Variants in EP300 observed in about 807,000 individuals in gnomAD.
EP300 encodes the protein EP300 lysine acetyltransferase.
In EP300, 31 loss-of-function variants were observed where a neutral mutation model predicts 264.0. That is an observed-to-expected ratio of 0.12 (90% CI 0.09 to 0.16). EP300 has a LOEUF of 0.16. EP300 is among the 10% of genes least tolerant of loss of function. The pLI is 1.00. For missense variants in EP300, 2,766 were observed against 3,052.9 expected (o/e 0.91, Z 2.21); for synonymous variants, 1,340 against 1,045.4 (o/e 1.28, Z -5.44).
chr22:41,094,207 C>G (rs890890717), intron 1 of EP300, among the ~76,000 whole-genome samples: 3 of 152,110 alleles, frequency 2.0e-5, no homozygotes, highest in Non-Finnish European at 4.4e-5. Flanking sequence ...TCTGACAGTC[C>G]ACAAGATGTT....
chr22:41,164,734 T>A (rs541965444), intron 22 of EP300, among the ~76,000 whole-genome samples: 1 of 152,152 alleles, frequency 6.6e-6, no homozygotes, highest in South Asian at 2.1e-4. Flanking sequence ...AGTAAATGCT[T>A]TTGTTCCGGC....
At chr22:41,143,574 GTTTTGT>G (rs1464063106) in intron 10 of EP300, among the ~76,000 whole-genome samples, 1 of 151,590 alleles carries the variant, frequency 6.6e-6, no homozygotes, top group Non-Finnish European at 1.5e-5. Flanking sequence ...TTTGTTGTTG[GTTTTGT>G]TTTTGTTTTT....
At chr22:41,125,250 C>T (rs1262556575) in intron 2 of EP300, among the ~76,000 whole-genome samples, 2 of 151,224 alleles carry the variant, frequency 1.3e-5, no homozygotes, top group South Asian at 2.1e-4. Context: ...TCCCGACTAG[C>T]TGGGACTACA....
chr22:41,173,162 T>A (rs1007294713), intron 28 of EP300, among the ~76,000 whole-genome samples: 6 of 152,228 alleles, frequency 3.9e-5, no homozygotes, highest in African/African-American at 1.4e-4. Context: ...TGAATTTAAC[T>A]TAACAAAAGG....
At chr22:41,164,705 ACT>A in intron 22 of EP300, among the ~76,000 whole-genome samples, 1 of 152,218 alleles carries the variant, frequency 6.6e-6, no homozygotes, top group East Asian at 1.9e-4. Flanking sequence ...ACAGAGTGAG[ACT>A]CTGTCTCAAA....
In EP300 at chr22:41,179,496, T is replaced by G. The variant is rs1440149070; in HGVS notation, c.*540T>G. On this transcript the variant is annotated 3_prime_UTR_variant, in exon 31 of 31. Coordinates refer to ENST00000263253, the MANE Select transcript of EP300 (RefSeq NM_001429.4). ...TATATTAAAATACCAGTTTTTTTTC[T>G]CTGGGTGCAAAGATGTTCATTCTTT... is the stretch of plus-strand genomic sequence containing the variant. 1.2e-5 allele frequency: 2 copies of G among 173,186 alleles called. No homozygotes were observed. Among genetic ancestry groups the G allele is most frequent in the Non-Finnish European group, 2.4e-5 (2 of 82,612 alleles). The allele number at this position is 173,186 out of a possible 1,614,324, so 10.7% of individuals were successfully genotyped here.
chr22:41,172,942 C>A (rs1176315916), intron 28 of EP300, among the ~76,000 whole-genome samples: 1 of 152,184 alleles, frequency 6.6e-6, no homozygotes, highest in African/African-American at 2.4e-5. Flanking sequence ...TAGAAGATTA[C>A]TTATCTGAAG....
chr22:41,146,749 A>C lies in EP300; in HGVS notation c.2064A>C (p.Leu688=), dbSNP rs61756763. The C allele has an allele frequency of 2.5e-6, 4 of 1,614,164 alleles. No homozygotes were observed. Among genetic ancestry groups the C allele is most frequent in the Non-Finnish European group, 3.4e-6 (4 of 1,179,992 alleles). ...PQPGMTSNGP[L]PDPSMIRGSV... ...TCTTTTTTACTCTAGATGGCCCTCT[A>C]CCTGACCCAAGTATGATCCGTGGCA... is the stretch of plus-strand genomic sequence containing the variant. The change falls in exon 11 of 31, where the codon CTA becomes CTC. Residue 688 remains leucine, a synonymous_variant. Transcript: ENST00000263253.
At position 41,170,584 on chromosome 22, in the gene EP300, A is replaced by T. The variant is rs1012561414; in HGVS notation, c.4452+13A>T. 1 of 1,611,502 alleles carries T rather than the reference A, an allele frequency of 6.2e-7. No individual in the cohort carries two copies. Among genetic ancestry groups the T allele is most frequent in the Non-Finnish European group, 8.5e-7 (1 of 1,178,628 alleles). ...CCATGACTACAAGGTCAGTTGGGAC[A>T]TAGGGGCCAGGTGCTGACAATAGAT... is the stretch of plus-strand genomic sequence containing the variant. On this transcript the variant is annotated intron_variant, in intron 27 of 30. Transcript: ENST00000263253.
Position 41,117,394 on chromosome 22 carries a change from G to A in EP300, c.302G>A (p.Gly101Asp), listed in dbSNP as rs879722959. The A allele has an allele frequency of 1.9e-6, 3 of 1,614,014 alleles. No homozygotes were observed. The highest frequency in any genetic ancestry group is 2.5e-6 in the Non-Finnish European group (3 of 1,180,024). Residue 101 changes from glycine to aspartate, a missense_variant, in exon 2 of 31, where the codon GGT (glycine) becomes GAT (aspartate). Gly to Asp is a moderately conservative substitution (Grantham distance 94). Coordinates refer to ENST00000263253, the MANE Select transcript of EP300 (RefSeq NM_001429.4). ...CTCAATATGGGAGTTGGTGGCCCAGGTCAAGTCATGGCCAGCCAGGCCCAA... is the reference window on the plus strand; with the variant it reads ...CTCAATATGGGAGTTGGTGGCCCAGATCAAGTCATGGCCAGCCAGGCCCAA... ...PNLNMGVGGP[G>D]QVMASQAQQS...
chr22:41,150,668 C>G (rs2059038855), intron 14 of EP300, among the ~76,000 whole-genome samples: 1 of 151,976 alleles, frequency 6.6e-6, no homozygotes, highest in South Asian at 2.1e-4. Flanking sequence ...GCAGGCAGAT[C>G]ACTTGAGGTC....
intron 1 of EP300, among the ~76,000 whole-genome samples, chr22:41,104,435 G>A (rs914477123): frequency 1.5e-4 from 23 of 151,924 alleles, no homozygotes; most frequent in African/African-American, 4.3e-4. Flanking sequence ...GATTACAGGC[G>A]CCCGCCACCA....
chr22:41,167,578 GTGTGTGTATATATA>G (rs1483958355), intron 23 of EP300, among the ~76,000 whole-genome samples: 184 of 27,528 alleles, frequency 6.7e-3, no homozygotes, highest in Non-Finnish European at 8.1e-3. Context: ...GTGTGTGTGT[GTGTGTGTATATATA>G]TATATATATA....
chr22:41,125,112 C>CTTTTTTTTTTTT (rs930135062), intron 2 of EP300, among the ~76,000 whole-genome samples: 2 of 80,346 alleles, frequency 2.5e-5, no homozygotes, highest in Non-Finnish European at 4.7e-5. Context: ...CTTTTCTTTC[C>CTTTTTTTTTTTT]TTTTTTTTTT....
At chr22:41,164,353 TATAA>T (rs1369483571) in intron 22 of EP300, among the ~76,000 whole-genome samples, 1 of 152,016 alleles carries the variant, frequency 6.6e-6, no homozygotes, top group Non-Finnish European at 1.5e-5. Flanking sequence ...TTCTTAGCCA[TATAA>T]ATATATTTTA....
chr22:41,126,814 G>A (rs987386979), intron 3 of EP300, among the ~76,000 whole-genome samples: 1 of 125,250 alleles, frequency 8.0e-6, no homozygotes, highest in African/African-American at 3.0e-5. Context: ...GTACGATCTC[G>A]GCTCACTGCA....
intron 7 of EP300, among the ~76,000 whole-genome samples, chr22:41,137,209 T>C (rs2058956050): frequency 2.0e-5 from 3 of 150,992 alleles, no homozygotes; most frequent in Admixed American, 2.0e-4. Context: ...AATACAAAAT[T>C]AGCCGGACGT....
Position 41,167,618 on chromosome 22 carries a change from A to G in EP300, c.3875-831A>G, listed in dbSNP as rs867047656. Among the ~76,000 whole-genome samples the G allele has an allele frequency of 8.9e-3, 459 of 51,798 alleles. 29 individuals are homozygous for G. Among genetic ancestry groups the G allele is most frequent in the African/African-American group, 0.024 (409 of 17,028 alleles). The allele number at this position is 51,798 out of a possible 152,430, so 34.0% of individuals were successfully genotyped here. The stretch of plus-strand genomic sequence containing the variant: ...TATATATATATATATATATATATAT[A>G]TATATATATATATATATAATGTTTG... On this transcript the variant is annotated intron_variant, in intron 23 of 30. Transcript: ENST00000263253.
intron 1 of EP300, among the ~76,000 whole-genome samples, chr22:41,112,993 G>A (rs1250200332): frequency 6.6e-6 from 1 of 151,906 alleles, no homozygotes; most frequent in Non-Finnish European, 1.5e-5. Flanking sequence ...ATATTTCAAT[G>A]TATATCTTTC....
Sources: allele counts gnomAD v4.1 joint callset (sites outside exome capture counted in the v4.1 genomes callset), GRCh38; gene constraint gnomAD v4.1.1; transcripts MANE v1.5; gene names NCBI Gene and HGNC (gene_info 2026-07-23, HGNC 2026-07-21).